CNTN1: variants seen among roughly 807,000 people sequenced by gnomAD.
CNTN1 encodes the protein contactin-1.
Under a neutral mutation model 126.4 loss-of-function variants are expected in CNTN1, and 38 were observed. That is an observed-to-expected ratio of 0.30 (90% CI 0.23 to 0.39). The LOEUF is 0.39. CNTN1 is among the 10% of genes least tolerant of loss of function. The pLI is 1.00. For synonymous variants in CNTN1, 413 were observed against 422.6 expected, an observed-to-expected ratio of 0.98 and a Z score of 0.28; for missense variants, 1,009 against 1,248.4, an observed-to-expected ratio of 0.81 and a Z score of 2.89.
intron 20 of CNTN1, among the ~76,000 whole-genome samples, chr12:41,022,032 T>TATATGAC (rs5797698): frequency 0.14 from 21,475 of 151,912 alleles, 1,854 homozygotes; most frequent in Middle Eastern, 0.2. Context: ...AAATGCCAAA[T>TATATGAC]ATATGACATA....
chr12:41,007,056 T>G (rs936389604), intron 17 of CNTN1, among the ~76,000 whole-genome samples: 2 of 105,052 alleles, frequency 1.9e-5, no homozygotes, highest in South Asian at 3.3e-4. Context: ...TTTTTTTTTT[T>G]TTTTTTTTTT....
intron 23 of CNTN1, among the ~76,000 whole-genome samples, chr12:41,068,297 T>C (rs1592492154): frequency 6.6e-6 from 1 of 152,174 alleles, no homozygotes; most frequent in Admixed American, 6.5e-5. Flanking sequence ...TGAGCCAACA[T>C]AGTCTTGTAG....
rs548637854 is a variant in CNTN1 at position 41,003,498 on chromosome 12, C to T, written c.2113+10229C>T. Among the ~76,000 whole-genome samples the T allele has an allele frequency of 1.7e-4, 26 of 151,574 alleles. No homozygotes were observed. The East Asian group carries it at 2.1e-3, about 12-fold the overall frequency. ...GTGGAGTCCCTCCTCCTCAATTTTTCGGAATAGTTTCAGCAGGAATGGTAC... is the reference window on the plus strand; with the variant it reads ...GTGGAGTCCCTCCTCCTCAATTTTTTGGAATAGTTTCAGCAGGAATGGTAC... On this transcript the variant is annotated intron_variant, in intron 17 of 23. Transcript: ENST00000551295.
intron 1 of CNTN1, among the ~76,000 whole-genome samples, chr12:40,699,649 G>A (rs1941545871): frequency 6.6e-6 from 1 of 152,074 alleles, no homozygotes; most frequent in South Asian, 2.1e-4. Context: ...TCTTCCATTG[G>A]TGTCATCTTT....
intron 15 of CNTN1, among the ~76,000 whole-genome samples, chr12:40,968,032 T>C (rs1947369668): frequency 1.3e-5 from 2 of 151,298 alleles, no homozygotes. Context: ...CCAGATTTAA[T>C]TTTAAAGGAC....
At chr12:41,005,955 G>C in intron 17 of CNTN1, among the ~76,000 whole-genome samples, 1 of 152,154 alleles carries the variant, frequency 6.6e-6, no homozygotes, top group East Asian at 1.9e-4. Flanking sequence ...CAGAACCTTT[G>C]CTGGAGAGGT....
At chr12:40,946,040 G>T (rs1946424287) in intron 14 of CNTN1, among the ~76,000 whole-genome samples, 1 of 152,050 alleles carries the variant, frequency 6.6e-6, no homozygotes, top group Admixed American at 6.6e-5. Flanking sequence ...TGTCATAGAT[G>T]GACAGATGCA....
intron 3 of CNTN1, 75 bp from the exon 4 acceptor site, chr12:40,918,564 T>C: frequency 7.4e-7 from 1 of 1,355,508 alleles, no homozygotes; most frequent in South Asian, 1.2e-5. Context: ...TTTCAAGTAA[T>C]TTTTTTTCAA....
intron 3 of CNTN1, 37 bp from the exon 4 acceptor site, chr12:40,918,602 A>G (rs747773068): frequency 6.3e-7 from 1 of 1,596,074 alleles, no homozygotes; most frequent in Non-Finnish European, 8.6e-7. Context: ...TGACTTATAA[A>G]GCAGTACAAT....
chr12:41,069,542 C>T (rs760245554), intron 23 of CNTN1, among the ~76,000 whole-genome samples: 52 of 151,932 alleles, frequency 3.4e-4, no homozygotes, highest in Non-Finnish European at 1.3e-4. Context: ...CCCATTAACT[C>T]GTCATTTAGC....
At chr12:40,948,681 G>A (rs1946530944) in intron 14 of CNTN1, among the ~76,000 whole-genome samples, 1 of 152,178 alleles carries the variant, frequency 6.6e-6, no homozygotes, top group Admixed American at 6.5e-5. Flanking sequence ...TTTGGTTAAT[G>A]TTCATGTCTG....
At chr12:40,790,694 A>G (rs1940186983) in intron 1 of CNTN1, among the ~76,000 whole-genome samples, 1 of 152,060 alleles carries the variant, frequency 6.6e-6, no homozygotes, top group South Asian at 2.1e-4. Flanking sequence ...TTAGGGGAGA[A>G]TTTTCTGTCC....
chr12:40,971,365 A>C, intron 15 of CNTN1: 1 of 1,339,810 alleles, frequency 7.5e-7, no homozygotes, highest in Non-Finnish European at 1.0e-6. Context: ...AAATCCCCCA[A>C]GTGCATGGCT....
At chr12:41,038,161 T>C (rs2120923077) in intron 23 of CNTN1, among the ~76,000 whole-genome samples, 1 of 152,152 alleles carries the variant, frequency 6.6e-6, no homozygotes, top group African/African-American at 2.4e-5. Context: ...ATCTCAAAAA[T>C]AAATGAATAA....
chr12:40,817,229 C>G (rs544958500), intron 1 of CNTN1, among the ~76,000 whole-genome samples: 1 of 152,208 alleles, frequency 6.6e-6, no homozygotes, highest in East Asian at 1.9e-4. Flanking sequence ...ATTGATCTGC[C>G]TAATGCTGAC....
At chr12:40,845,352 A>G (rs997371665) in intron 1 of CNTN1, among the ~76,000 whole-genome samples, 1 of 152,210 alleles carries the variant, frequency 6.6e-6, no homozygotes, top group Admixed American at 6.5e-5. Flanking sequence ...AGAACATAAT[A>G]TTGGCTACAA....
chr12:41,058,251 TTCATACATGTTACTATA>T (rs1279141667), intron 23 of CNTN1, among the ~76,000 whole-genome samples: 3 of 152,174 alleles, frequency 2.0e-5, no homozygotes, highest in African/African-American at 7.2e-5. Context: ...TATGAATTAC[TTCATACATGTTACTATA>T]TCATCATTGA....
At chr12:40,890,789 T>C (rs2405511) in intron 1 of CNTN1, among the ~76,000 whole-genome samples, 104,862 of 152,052 alleles carry the variant, frequency 0.69, 36,856 homozygotes, top group African/African-American at 0.84. Flanking sequence ...CAATTATTAA[T>C]TAAGGTGCTA....
At chr12:41,011,081 C>T (rs966883941) in intron 17 of CNTN1, among the ~76,000 whole-genome samples, 1 of 152,164 alleles carries the variant, frequency 6.6e-6, no homozygotes, top group Non-Finnish European at 1.5e-5. Context: ...TGGTGAAACA[C>T]TTGAGTTAAA....
Sources: allele counts gnomAD v4.1 joint callset (sites outside exome capture counted in the v4.1 genomes callset), GRCh38; gene constraint gnomAD v4.1.1; transcripts MANE v1.5; gene names NCBI Gene and HGNC (gene_info 2026-07-23, HGNC 2026-07-21).